The following ITGA8 variants were observed in gnomAD, a reference collection of about 807,000 sequenced individuals.
ITGA8 encodes integrin alpha-8.
In ITGA8, 91 loss-of-function variants were observed where a neutral mutation model predicts 142.3. The ratio of observed to expected loss-of-function variants is 0.64; its 90% CI spans 0.54 to 0.76. ITGA8 has a LOEUF of 0.76. ITGA8 is among the 30% of genes least tolerant of loss of function. The pLI is 0.00. For synonymous variants in ITGA8, 505 were observed against 485.2 expected (o/e 1.04, Z -0.54); for missense variants, 1,406 against 1,327.7 (o/e 1.06, Z -0.92).
chr10:15,657,509 C>CTTTCTTTTTTTTTTTTTTTTTT (rs534714654), intron 10 of ITGA8, among the ~76,000 whole-genome samples: 1 of 116,500 alleles, frequency 8.6e-6, no homozygotes, highest in African/African-American at 3.2e-5. Flanking sequence ...TCTTTTCTTT[C>CTTTCTTTTTTTTTTTTTTTTTT]ATTTTTTTTT....
chr10:15,609,823 A>C (rs1028784882), intron 15 of ITGA8, among the ~76,000 whole-genome samples: 3 of 152,232 alleles, frequency 2.0e-5, no homozygotes, highest in African/African-American at 7.2e-5. Context: ...CCTATTTGTA[A>C]TGACATTATC....
chr10:15,678,916 T>C, intron 4 of ITGA8, 133 bp from the exon 5 acceptor site: 1 of 519,282 alleles, frequency 1.9e-6, no homozygotes, highest in Non-Finnish European at 3.4e-6. Flanking sequence ...GTTTTATGTT[T>C]ATTTTTAAAA....
intron 9 of ITGA8, among the ~76,000 whole-genome samples, chr10:15,660,139 C>A (rs1306408990): frequency 6.6e-6 from 1 of 152,182 alleles, no homozygotes; most frequent in African/African-American, 2.4e-5. Context: ...AGTTGCTGAT[C>A]ATAACCATGG....
intron 8 of ITGA8, among the ~76,000 whole-genome samples, chr10:15,665,734 T>C (rs1485920623): frequency 1.3e-5 from 2 of 152,252 alleles, no homozygotes; most frequent in African/African-American, 2.4e-5. Flanking sequence ...TTTCTACATA[T>C]GGCTAGCCAG....
At chr10:15,634,255 T>TA (rs1173228372) in intron 13 of ITGA8, among the ~76,000 whole-genome samples, 2 of 152,186 alleles carry the variant, frequency 1.3e-5, no homozygotes, top group Non-Finnish European at 2.9e-5. Context: ...TCTCCACAAT[T>TA]ACATTGCTCC....
chr10:15,634,337 A>T (rs1833734600), intron 13 of ITGA8, among the ~76,000 whole-genome samples: 4 of 152,042 alleles, frequency 2.6e-5, no homozygotes. Context: ...CTGCTACTAG[A>T]TGCTATTCAC....
At chr10:15,668,715 G>A (rs1195099816) in intron 8 of ITGA8, among the ~76,000 whole-genome samples, 1 of 152,016 alleles carries the variant, frequency 6.6e-6, no homozygotes, top group Admixed American at 6.5e-5. Flanking sequence ...GGCAGGCCTG[G>A]TGGTGACAAA....
At chr10:15,558,637 C>T (rs140794443) in intron 25 of ITGA8, among the ~76,000 whole-genome samples, 188 of 152,282 alleles carry the variant, frequency 1.2e-3, no homozygotes, top group African/African-American at 4.4e-3. Context: ...GTGCCAACCT[C>T]ATTTGGGGAA....
At chr10:15,644,966 G>A (rs1486729011) in intron 12 of ITGA8, among the ~76,000 whole-genome samples, 7 of 150,902 alleles carry the variant, frequency 4.6e-5, no homozygotes, top group South Asian at 2.1e-4. Flanking sequence ...AGTGGCGGGC[G>A]CCTGTAATCC....
intron 21 of ITGA8, among the ~76,000 whole-genome samples, chr10:15,593,070 T>C (rs576214572): frequency 6.6e-6 from 1 of 152,362 alleles, no homozygotes; most frequent in South Asian, 2.1e-4. Flanking sequence ...TTTTTGGTTT[T>C]AAAAGTCTAC....
intron 23 of ITGA8, among the ~76,000 whole-genome samples, chr10:15,576,148 C>T (rs1403425039): frequency 6.6e-6 from 1 of 152,032 alleles, no homozygotes; most frequent in Non-Finnish European, 1.5e-5. Flanking sequence ...GTATATTCCT[C>T]CTTTCTATAT....
At chr10:15,647,753 C>T (rs1053054643) in intron 11 of ITGA8, among the ~76,000 whole-genome samples, 5 of 152,174 alleles carry the variant, frequency 3.3e-5, no homozygotes, top group South Asian at 4.1e-4. Context: ...TGAGCCACCG[C>T]GCCCGGCCAA....
At chr10:15,540,283 T>A (rs1833542895) in intron 27 of ITGA8, among the ~76,000 whole-genome samples, 1 of 152,164 alleles carries the variant, frequency 6.6e-6, no homozygotes, top group Non-Finnish European at 1.5e-5. Context: ...CCTCTTTTCA[T>A]CCCTGTTCCC....
intron 13 of ITGA8, among the ~76,000 whole-genome samples, chr10:15,637,383 C>T (rs568517274): frequency 1.1e-4 from 16 of 151,968 alleles, no homozygotes; most frequent in African/African-American, 3.4e-4. Context: ...CCCCATCATA[C>T]CAGATAAAGA....
At chr10:15,674,043 T>C (rs1435807884) in intron 6 of ITGA8, among the ~76,000 whole-genome samples, 30 of 151,984 alleles carry the variant, frequency 2.0e-4, no homozygotes, top group Admixed American at 2.0e-3. Flanking sequence ...CAAATTAGTC[T>C]TTGGGAATTC....
chr10:15,713,433 T>C (rs1478438776), intron 2 of ITGA8, among the ~76,000 whole-genome samples: 1 of 152,204 alleles, frequency 6.6e-6, no homozygotes, highest in Non-Finnish European at 1.5e-5. Context: ...CCCCCACCTT[T>C]GTAATCTTCC....
At chr10:15,709,043 A>G (rs1453987820) in intron 2 of ITGA8, among the ~76,000 whole-genome samples, 1 of 152,214 alleles carries the variant, frequency 6.6e-6, no homozygotes, top group Admixed American at 6.5e-5. Flanking sequence ...AGGAGAAATA[A>G]TGAATGTTAA....
At chr10:15,543,798 T>C (rs1833618722) in intron 27 of ITGA8, among the ~76,000 whole-genome samples, 2 of 152,168 alleles carry the variant, frequency 1.3e-5, no homozygotes. Context: ...TTTGGAATAA[T>C]GGTCTTTGCA....
At chr10:15,644,584 C>G (rs1295298002) in intron 12 of ITGA8, among the ~76,000 whole-genome samples, 1 of 148,168 alleles carries the variant, frequency 6.7e-6, no homozygotes, top group Non-Finnish European at 1.5e-5. Context: ...CCACCTCAGC[C>G]TCCCACACTG....
Sources: allele counts gnomAD v4.1 joint callset (sites outside exome capture counted in the v4.1 genomes callset), GRCh38; gene constraint gnomAD v4.1.1; transcripts MANE v1.5; gene names NCBI Gene and HGNC (gene_info 2026-07-23, HGNC 2026-07-21).